The following NCAM1 variants were observed in gnomAD, a reference collection of about 807,000 sequenced individuals.
NCAM1 encodes neural cell adhesion molecule 1.
A neutral mutation model predicts 109.8 loss-of-function variants in NCAM1; 14 were observed. The ratio of observed to expected loss-of-function variants is 0.13; its 90% CI spans 0.08 to 0.20. The LOEUF (loss-of-function observed/expected upper bound fraction) is 0.20. Ranked by LOEUF, NCAM1 falls within the 10% of genes least tolerant of loss-of-function variation. NCAM1 has a pLI of 1.00. For missense variants in NCAM1, 774 were observed against 1,109.9 expected, an observed-to-expected ratio of 0.70 and a Z score of 4.30; for synonymous variants, 418 against 442.9, an observed-to-expected ratio of 0.94 and a Z score of 0.70.
intron 1 of NCAM1, among the ~76,000 whole-genome samples, chr11:113,105,009 C>T (rs570584663): frequency 6.6e-6 from 1 of 152,182 alleles, no homozygotes; most frequent in Non-Finnish European, 1.5e-5. Context: ...TTAATAAAAA[C>T]CTGATTTGCC....
chr11:113,025,820 A>AGAGAGG (rs1952528025), intron 1 of NCAM1, among the ~76,000 whole-genome samples: 1 of 138,646 alleles, frequency 7.2e-6, no homozygotes, highest in Admixed American at 7.6e-5. Context: ...AGAGAGAGAG[A>AGAGAGG]GAGGGAGAGA....
intron 8 of NCAM1, among the ~76,000 whole-genome samples, chr11:113,214,928 T>A (rs1222055442): frequency 1.3e-5 from 2 of 152,194 alleles, no homozygotes; most frequent in Non-Finnish European, 2.9e-5. Context: ...CTATTAATTC[T>A]TTTTCTTGTG....
intron 1 of NCAM1, among the ~76,000 whole-genome samples, chr11:113,051,272 G>A (rs1304230655): frequency 6.6e-6 from 1 of 152,174 alleles, no homozygotes; most frequent in African/African-American, 2.4e-5. Flanking sequence ...AATTTAAGAT[G>A]ATATTAATGC....
At chr11:113,063,451 A>G (rs1555083734) in intron 1 of NCAM1, among the ~76,000 whole-genome samples, 5 of 152,196 alleles carry the variant, frequency 3.3e-5, no homozygotes, top group Admixed American at 3.3e-4. Flanking sequence ...CATTCCACCC[A>G]CTAGCACAGG....
intron 1 of NCAM1, among the ~76,000 whole-genome samples, chr11:113,077,976 C>T (rs142580974): frequency 1.4e-3 from 208 of 152,250 alleles, no homozygotes; most frequent in African/African-American, 4.7e-3. Flanking sequence ...CGTGAGCCAC[C>T]GCACCTGGCT....
At chr11:113,224,932 C>G (rs1233737412) in intron 9 of NCAM1, among the ~76,000 whole-genome samples, 2 of 152,162 alleles carry the variant, frequency 1.3e-5, no homozygotes, top group Non-Finnish European at 2.9e-5. Context: ...ACCCCATCTG[C>G]ATGTCACCAT....
intron 1 of NCAM1, among the ~76,000 whole-genome samples, chr11:113,079,598 A>T (rs1165021993): frequency 1.3e-5 from 2 of 152,242 alleles, no homozygotes; most frequent in Admixed American, 6.5e-5. Context: ...ATGATAAGCC[A>T]TGGAGATGTA....
intron 1 of NCAM1, among the ~76,000 whole-genome samples, chr11:113,028,246 T>C (rs987932919): frequency 6.6e-6 from 1 of 152,212 alleles, no homozygotes; most frequent in East Asian, 1.9e-4. Flanking sequence ...CACCCTGATT[T>C]GGTCATTATA....
Position 113,107,483 on chromosome 11 carries a change from A to C in NCAM1, c.53-94896A>C, listed in dbSNP as rs565674811. Among the ~76,000 whole-genome samples, 12 of 152,288 alleles carry C rather than the reference A, an allele frequency of 7.9e-5. No individual in the cohort carries two copies. In the South Asian group the frequency reaches 2.5e-3, roughly 32 times the overall value. On this transcript the variant is annotated intron_variant, in intron 1 of 19. Transcript: ENST00000316851. Reference sequence around the variant, plus strand: ...CATGCTGGTGATAAAGACATACCTGAGACTGGGTACTTTATAAAGAAAAAG... The same window carrying C: ...CATGCTGGTGATAAAGACATACCTGCGACTGGGTACTTTATAAAGAAAAAG...
chr11:113,006,101 G>A (rs372165297), intron 1 of NCAM1, among the ~76,000 whole-genome samples: 7 of 152,150 alleles, frequency 4.6e-5, no homozygotes, highest in African/African-American at 1.4e-4. Flanking sequence ...AAAAAATTCT[G>A]GCAGTTTCTC....
intron 1 of NCAM1, among the ~76,000 whole-genome samples, chr11:112,976,147 A>G (rs1047507048): frequency 1.1e-4 from 16 of 152,012 alleles, no homozygotes; most frequent in African/African-American, 3.9e-4. Flanking sequence ...ACAATTGGAC[A>G]TATTTTAAGA....
intron 1 of NCAM1, among the ~76,000 whole-genome samples, chr11:113,056,325 A>G (rs1004849762): frequency 6.6e-5 from 10 of 151,970 alleles, no homozygotes; most frequent in African/African-American, 1.7e-4. Context: ...GAATTCTTGT[A>G]TTCGATAATA....
chr11:113,078,831 G>A (rs546757637), intron 1 of NCAM1, among the ~76,000 whole-genome samples: 2 of 152,246 alleles, frequency 1.3e-5, no homozygotes, highest in Admixed American at 1.3e-4. Context: ...CCAGTGGCTC[G>A]TGGCTGATGG....
At chr11:113,228,484 A>G (rs1944911235) in intron 9 of NCAM1, among the ~76,000 whole-genome samples, 1 of 152,236 alleles carries the variant, frequency 6.6e-6, no homozygotes, top group South Asian at 2.1e-4. Flanking sequence ...AAGAATCAAT[A>G]TAGTGAAAAT....
At chr11:113,053,006 T>C (rs1184285267) in intron 1 of NCAM1, among the ~76,000 whole-genome samples, 1 of 151,826 alleles carries the variant, frequency 6.6e-6, no homozygotes, top group African/African-American at 2.4e-5. Context: ...CCACAAAGAG[T>C]GTAGGTCTTT....
chr11:113,224,521 A>C (rs1555115862), intron 9 of NCAM1, among the ~76,000 whole-genome samples: 1 of 152,232 alleles, frequency 6.6e-6, no homozygotes, highest in Non-Finnish European at 1.5e-5. Context: ...GGCATAGCCA[A>C]ACAAAAGGCA....
intron 1 of NCAM1, among the ~76,000 whole-genome samples, chr11:113,078,845 T>A (rs1403558808): frequency 3.3e-5 from 5 of 152,168 alleles, no homozygotes; most frequent in Non-Finnish European, 7.3e-5. Flanking sequence ...CTGATGGTCT[T>A]ATTAGGAAAT....
At chr11:113,240,183 T>G (rs925396947) in intron 14 of NCAM1, among the ~76,000 whole-genome samples, 5 of 151,924 alleles carry the variant, frequency 3.3e-5, no homozygotes, top group African/African-American at 1.2e-4. Flanking sequence ...TGTAGGGGAG[T>G]TTTGGAAGGC....
intron 1 of NCAM1, among the ~76,000 whole-genome samples, chr11:113,059,164 C>T (rs1953827859): frequency 6.6e-6 from 1 of 152,126 alleles, no homozygotes; most frequent in South Asian, 2.1e-4. Context: ...CCTTTATGGG[C>T]CTCGGTTGCT....
Sources: gnomAD v4.1 joint callset for allele counts (sites outside exome capture counted in the v4.1 genomes callset) on GRCh38, gnomAD v4.1.1 for gene constraint, MANE v1.5 for transcripts, NCBI Gene and HGNC (gene_info 2026-07-23, HGNC 2026-07-21) for gene names.